The following DTNA variants were observed in gnomAD, a reference collection of about 807,000 sequenced individuals.
DTNA encodes the protein dystrobrevin alpha, also known as dystrophin-related protein 3.
In DTNA, 43 loss-of-function variants were observed where a neutral mutation model predicts 100.7. The ratio of observed to expected loss-of-function variants is 0.43; its 90% CI spans 0.33 to 0.55. The LOEUF is 0.55. DTNA is among the 20% of genes least tolerant of loss of function. The pLI, the probability that DTNA is intolerant of heterozygous loss-of-function variation, is 0.04. For synonymous variants in DTNA, 349 were observed against 347.9 expected (o/e 1.00, Z -0.04); for missense variants, 798 against 953.9 (o/e 0.84, Z 2.15).
chr18:34,618,945 A>G (rs1328291752), intron 1 of DTNA, among the ~76,000 whole-genome samples: 1 of 152,168 alleles, frequency 6.6e-6, no homozygotes, highest in African/African-American at 2.4e-5. Context: ...TATGACAGAT[A>G]CAATAGAAGC....
At chr18:34,771,100 ATGT>A (rs1212793523) in intron 3 of DTNA, among the ~76,000 whole-genome samples, 1 of 152,192 alleles carries the variant, frequency 6.6e-6, no homozygotes, top group African/African-American at 2.4e-5. Context: ...TTCAGTAAAA[ATGT>A]TGTGTAAATT....
intron 1 of DTNA, among the ~76,000 whole-genome samples, chr18:34,525,444 CCTT>C (rs1404412650): frequency 2.0e-5 from 3 of 152,116 alleles, no homozygotes; most frequent in African/African-American, 7.2e-5. Context: ...CCTTTCAGCT[CCTT>C]CTGTCTGAGC....
chr18:34,742,938 C>A (rs1161695155), intron 1 of DTNA, among the ~76,000 whole-genome samples: 4 of 152,026 alleles, frequency 2.6e-5, no homozygotes, highest in Admixed American at 2.0e-4. Flanking sequence ...TGCAGGAGGC[C>A]TGGAAGACTG....
intron 3 of DTNA, among the ~76,000 whole-genome samples, chr18:34,791,089 G>A (rs1466586693): frequency 1.3e-5 from 2 of 152,096 alleles, no homozygotes; most frequent in Non-Finnish European, 2.9e-5. Context: ...TGCCTATGTG[G>A]GAACCCTTAT....
chr18:34,826,277 T>C (rs755137321), intron 9 of DTNA, among the ~76,000 whole-genome samples: 3 of 152,140 alleles, frequency 2.0e-5, no homozygotes, highest in Non-Finnish European at 4.4e-5. Flanking sequence ...TGGCATTTGG[T>C]TCATGAGTAA....
chr18:34,799,934 G>T (rs1039469784), intron 4 of DTNA, among the ~76,000 whole-genome samples: 4 of 152,168 alleles, frequency 2.6e-5, no homozygotes, highest in Admixed American at 2.0e-4. Context: ...ACTTTTCCCA[G>T]ATGTTTTGCT....
chr18:34,677,553 A>G (rs1230678787), intron 1 of DTNA, among the ~76,000 whole-genome samples: 1 of 152,164 alleles, frequency 6.6e-6, no homozygotes, highest in Non-Finnish European at 1.5e-5. Flanking sequence ...TGAAAATATA[A>G]TACTTTAGAT....
At chr18:34,627,099 C>CATAA (rs1203951912) in intron 1 of DTNA, among the ~76,000 whole-genome samples, 1 of 151,364 alleles carries the variant, frequency 6.6e-6, no homozygotes, top group Non-Finnish European at 1.5e-5. Flanking sequence ...AAAGAAAATC[C>CATAA]ATAAATTCTG....
chr18:34,817,904 G>C, intron 7 of DTNA: 1 of 1,278,004 alleles, frequency 7.8e-7, no homozygotes, highest in Non-Finnish European at 1.0e-6. Flanking sequence ...GGAATAGAAA[G>C]AGCAAATGGC....
intron 1 of DTNA, among the ~76,000 whole-genome samples, chr18:34,514,484 G>A (rs996437842): frequency 2.0e-5 from 3 of 152,130 alleles, no homozygotes; most frequent in Admixed American, 1.3e-4. Context: ...GTGAATCACA[G>A]TGACTTTATT....
At chr18:34,494,343 G>T (rs1010513158) in intron 1 of DTNA, among the ~76,000 whole-genome samples, 2 of 150,704 alleles carry the variant, frequency 1.3e-5, no homozygotes, top group Non-Finnish European at 3.0e-5. Flanking sequence ...CTGGGTGGGA[G>T]TGGGCTCCGG....
intron 1 of DTNA, among the ~76,000 whole-genome samples, chr18:34,608,886 G>T (rs1386089526): frequency 6.6e-6 from 1 of 152,156 alleles, no homozygotes; most frequent in Non-Finnish European, 1.5e-5. Context: ...TTCTCTAAGT[G>T]CTATTGTATA....
chr18:34,753,919 A>G (rs910191061), intron 1 of DTNA, among the ~76,000 whole-genome samples: 5 of 152,220 alleles, frequency 3.3e-5, no homozygotes, highest in Non-Finnish European at 7.3e-5. Context: ...TTCTAGATCT[A>G]TATATCAACT....
At chr18:34,855,480 A>T (rs867100253) in intron 15 of DTNA, among the ~76,000 whole-genome samples, 11 of 152,390 alleles carry the variant, frequency 7.2e-5, no homozygotes, top group Middle Eastern at 3.4e-3. Context: ...ATGTTAATTT[A>T]CAAGATTCTA....
chr18:34,642,683 C>T (rs1174263298), intron 1 of DTNA, among the ~76,000 whole-genome samples: 1 of 152,158 alleles, frequency 6.6e-6, no homozygotes, highest in East Asian at 1.9e-4. Flanking sequence ...CTTAGCCTCC[C>T]GAGTAGCTGG....
intron 1 of DTNA, among the ~76,000 whole-genome samples, chr18:34,534,259 G>T (rs992467710): frequency 1.2e-4 from 19 of 152,140 alleles, no homozygotes; most frequent in Non-Finnish European, 2.9e-5. Context: ...TGAGGCAGGA[G>T]AACCTGTGTT....
chr18:34,533,069 T>C (rs1050267979), intron 1 of DTNA, among the ~76,000 whole-genome samples: 1 of 151,890 alleles, frequency 6.6e-6, no homozygotes, highest in African/African-American at 2.4e-5. Flanking sequence ...ACTATTTCAT[T>C]ATCAAAATGC....
intron 1 of DTNA, among the ~76,000 whole-genome samples, chr18:34,711,136 C>G (rs1307952962): frequency 6.6e-6 from 1 of 151,968 alleles, no homozygotes; most frequent in Non-Finnish European, 1.5e-5. Context: ...TGCTTAGAGG[C>G]TGGTAGGAAC....
chr18:34,531,066 A>T (rs1047753827), intron 1 of DTNA, among the ~76,000 whole-genome samples: 2 of 152,144 alleles, frequency 1.3e-5, no homozygotes, highest in Non-Finnish European at 2.9e-5. Context: ...TGTGAGGTAG[A>T]GGTGATTACA....
Sources: gnomAD v4.1 joint callset for allele counts (sites outside exome capture counted in the v4.1 genomes callset) on GRCh38, gnomAD v4.1.1 for gene constraint, MANE v1.5 for transcripts, NCBI Gene and HGNC (gene_info 2026-07-23, HGNC 2026-07-21) for gene names.